ATP8B1: variants seen among roughly 807,000 people sequenced by gnomAD.
ATP8B1 encodes the protein ATPase phospholipid transporting 8B1.
A neutral mutation model predicts 149.9 loss-of-function variants in ATP8B1; 80 were observed. The observed-to-expected ratio is 0.53, with a 90% confidence interval of 0.45 to 0.64. The LOEUF (loss-of-function observed/expected upper bound fraction) is 0.64. Among genes scored for constraint, ATP8B1 ranks in the 30% least tolerant of loss-of-function variants. ATP8B1 has a pLI of 0.00. For missense variants in ATP8B1, 1,247 were observed against 1,552.6 expected (o/e 0.80, Z 3.31); for synonymous variants, 536 against 562.8 (o/e 0.95, Z 0.67).
intron 2 of ATP8B1, 74 bp downstream of exon 2, chr18:57,731,553 A>T: frequency 6.6e-7 from 1 of 1,525,384 alleles, no homozygotes; most frequent in Non-Finnish European, 9.0e-7. Flanking sequence ...TAGACCGATC[A>T]TCTTTGGCAC....
intron 2 of ATP8B1, among the ~76,000 whole-genome samples, chr18:57,713,977 G>C (rs2123028671): frequency 6.6e-6 from 1 of 152,146 alleles, no homozygotes; most frequent in Admixed American, 6.5e-5. Flanking sequence ...GCAACAAATA[G>C]AGACCCCTCT....
intron 2 of ATP8B1, among the ~76,000 whole-genome samples, chr18:57,711,886 A>G (rs80055716): frequency 1.3e-5 from 2 of 152,190 alleles, no homozygotes; most frequent in Non-Finnish European, 1.5e-5. Flanking sequence ...CACCGTGCCC[A>G]GACCAGCAGT....
At chr18:57,649,596 C>T (rs1428131797) in intron 27 of ATP8B1, among the ~76,000 whole-genome samples, 1 of 152,084 alleles carries the variant, frequency 6.6e-6, no homozygotes, top group Admixed American at 6.6e-5. Flanking sequence ...TTCAGATTGC[C>T]CCCCCCAACC....
intron 2 of ATP8B1, among the ~76,000 whole-genome samples, chr18:57,720,891 G>A (rs1256873617): frequency 9.2e-5 from 14 of 151,396 alleles, no homozygotes; most frequent in South Asian, 2.1e-4. Context: ...GACTAACAGC[G>A]GATCTCTCGG....
chr18:57,733,440 C>G (rs2929064), intron 1 of ATP8B1, among the ~76,000 whole-genome samples: 1 of 152,040 alleles, frequency 6.6e-6, no homozygotes, highest in African/African-American at 2.4e-5. Context: ...CGCACGGTGG[C>G]TCACACCTGT....
At chr18:57,696,548 A>AAG (rs751885666) in intron 8 of ATP8B1, among the ~76,000 whole-genome samples, 2 of 136 alleles carry the variant, frequency 0.015, no homozygotes, top group Non-Finnish European at 0.071. Flanking sequence ...TTTTTCCGCC[A>AAG]AAAAAAAAAA....
intron 21 of ATP8B1, among the ~76,000 whole-genome samples, chr18:57,661,864 A>T (rs1910468896): frequency 6.6e-6 from 1 of 151,488 alleles, no homozygotes; most frequent in Non-Finnish European, 1.5e-5. Context: ...ACAGGTGTGC[A>T]CCACCACGCC....
At chr18:57,773,913 A>G (rs1260088844) in intron 1 of ATP8B1, among the ~76,000 whole-genome samples, 3 of 152,162 alleles carry the variant, frequency 2.0e-5, no homozygotes, top group Non-Finnish European at 2.9e-5. Context: ...GTAGCCCCAG[A>G]CAGCATGCCC....
chr18:57,701,809 C>T (rs972573672), intron 4 of ATP8B1, among the ~76,000 whole-genome samples: 2 of 151,914 alleles, frequency 1.3e-5, no homozygotes, highest in Admixed American at 6.6e-5. Flanking sequence ...GATTCTCCTG[C>T]TTCAGCCTCC....
chr18:57,744,306 TC>T (rs2079944714), intron 1 of ATP8B1, among the ~76,000 whole-genome samples: 1 of 13,560 alleles, frequency 7.4e-5, no homozygotes, highest in Admixed American at 6.3e-4. Flanking sequence ...TGAGACTGTC[TC>T]AAAAAAAAAA....
chr18:57,659,906 G>A (rs1427349850), intron 22 of ATP8B1: 7 of 152,080 alleles, frequency 4.6e-5, no homozygotes, highest in Non-Finnish European at 8.8e-5. Flanking sequence ...AGCATCACAG[G>A]AACATGCAAT....
At chr18:57,690,101 AGTG>A (rs1475456317) in intron 12 of ATP8B1, among the ~76,000 whole-genome samples, 1 of 152,224 alleles carries the variant, frequency 6.6e-6, no homozygotes, top group Non-Finnish European at 1.5e-5. Flanking sequence ...AGGAAGGAGA[AGTG>A]GTCAGAAACA....
intron 2 of ATP8B1, among the ~76,000 whole-genome samples, chr18:57,719,220 G>A (rs2079613127): frequency 6.6e-6 from 1 of 152,194 alleles, no homozygotes; most frequent in Non-Finnish European, 1.5e-5. Context: ...CAAACAATCT[G>A]AAAAAGAAAT....
intron 1 of ATP8B1, among the ~76,000 whole-genome samples, chr18:57,785,720 G>T (rs941697154): frequency 1.3e-5 from 2 of 152,104 alleles, no homozygotes; most frequent in Non-Finnish European, 2.9e-5. Context: ...TGGCCAGTCT[G>T]GTCTCAAACT....
At chr18:57,730,651 C>G (rs1048608827) in intron 2 of ATP8B1, among the ~76,000 whole-genome samples, 3 of 152,164 alleles carry the variant, frequency 2.0e-5, no homozygotes, top group Non-Finnish European at 2.9e-5. Context: ...CAGTGATGTA[C>G]TGTCTGCGGT....
intron 1 of ATP8B1, among the ~76,000 whole-genome samples, chr18:57,754,444 A>AT (rs1344321410): frequency 0.058 from 3,894 of 67,406 alleles, 147 homozygotes; most frequent in African/African-American, 0.18. Context: ...TCTAACAAAA[A>AT]AATATATATA....
intron 23 of ATP8B1, among the ~76,000 whole-genome samples, chr18:57,654,778 C>T (rs1417906167): frequency 1.3e-4 from 20 of 150,662 alleles, no homozygotes; most frequent in Non-Finnish European, 2.5e-4. Flanking sequence ...CCTCTGCCTC[C>T]CAGGTTCAAG....
At chr18:57,663,643 T>C (rs1025279008) in intron 20 of ATP8B1, among the ~76,000 whole-genome samples, 7 of 152,192 alleles carry the variant, frequency 4.6e-5, no homozygotes, top group Non-Finnish European at 1.0e-4. Flanking sequence ...AGGTGTTATC[T>C]TGCTTTGGTT....
At chr18:57,671,710 C>T (rs1281983491) in intron 16 of ATP8B1, 130 bp from the exon 17 acceptor site, 24 of 672,796 alleles carry the variant, frequency 3.6e-5, no homozygotes, top group South Asian at 2.0e-4. Flanking sequence ...GTAGCCTCGA[C>T]CCCCCAGGCT....
Sources: allele counts gnomAD v4.1 joint callset (sites outside exome capture counted in the v4.1 genomes callset), GRCh38; gene constraint gnomAD v4.1.1; transcripts MANE v1.5; gene names NCBI Gene and HGNC (gene_info 2026-07-23, HGNC 2026-07-21).